GSK3B: variants seen among roughly 807,000 people sequenced by gnomAD.
GSK3B encodes glycogen synthase kinase 3 beta, also known as glycogen synthase kinase-3 beta.
GSK3B carries 15 observed loss-of-function variants against 56.4 expected under a neutral mutation model. The ratio of observed to expected loss-of-function variants is 0.27; its 90% CI spans 0.18 to 0.41. The LOEUF (loss-of-function observed/expected upper bound fraction) is 0.41, where lower values mean the gene tolerates loss of function less well. Ranked by LOEUF, GSK3B falls within the 10% of genes least tolerant of loss-of-function variation. The pLI is 1.00. For synonymous variants in GSK3B, 181 were observed against 188.9 expected, an observed-to-expected ratio of 0.96 and a Z score of 0.34; for missense variants, 300 against 513.4, an observed-to-expected ratio of 0.58 and a Z score of 4.02.
At chr3:119,928,373 A>T (rs2056908124) in intron 3 of GSK3B, among the ~76,000 whole-genome samples, 1 of 152,118 alleles carries the variant, frequency 6.6e-6, no homozygotes, top group African/African-American at 2.4e-5. Context: ...TGGGAGGCAG[A>T]GGCGGGCGGA....
chr3:120,028,275 A>C (rs934243681), intron 1 of GSK3B, among the ~76,000 whole-genome samples: 1 of 152,226 alleles, frequency 6.6e-6, no homozygotes, highest in African/African-American at 2.4e-5. Context: ...ATGAGGTATT[A>C]TTACTACTTA....
intron 2 of GSK3B, among the ~76,000 whole-genome samples, chr3:119,984,777 C>T (rs1361529173): frequency 1.3e-5 from 2 of 151,878 alleles, no homozygotes; most frequent in African/African-American, 2.4e-5. Context: ...GGAGCTGGCA[C>T]CATTCCTTCT....
chr3:119,917,828 T>A (rs963144117), intron 4 of GSK3B, among the ~76,000 whole-genome samples: 1 of 152,120 alleles, frequency 6.6e-6, no homozygotes, highest in African/African-American at 2.4e-5. Context: ...ATATATTTGT[T>A]GTTATTTCAC....
chr3:119,866,599 T>A, intron 8 of GSK3B: 1 of 1,603,622 alleles, frequency 6.2e-7, no homozygotes, highest in Admixed American at 1.7e-5. Flanking sequence ...CCCGCACTCC[T>A]GAGGTGAAAT....
At chr3:119,831,652 G>A (rs575912553) in intron 10 of GSK3B, among the ~76,000 whole-genome samples, 34 of 144,702 alleles carry the variant, frequency 2.3e-4, no homozygotes, top group East Asian at 5.9e-4. Flanking sequence ...GCGAGACTCC[G>A]TCTCAAAAAA....
chr3:119,930,391 A>T (rs899594567), intron 3 of GSK3B, among the ~76,000 whole-genome samples: 2 of 152,120 alleles, frequency 1.3e-5, no homozygotes, highest in Non-Finnish European at 2.9e-5. Context: ...AACTTAACTA[A>T]CTACAAGCAT....
intron 1 of GSK3B, among the ~76,000 whole-genome samples, chr3:120,019,532 T>G (rs2057855327): frequency 2.0e-5 from 3 of 152,262 alleles, no homozygotes; most frequent in Admixed American, 2.0e-4. Flanking sequence ...TAGGTTACTC[T>G]GTCTTCCATT....
At chr3:120,021,969 G>C (rs962265343) in intron 1 of GSK3B, among the ~76,000 whole-genome samples, 2 of 152,212 alleles carry the variant, frequency 1.3e-5, no homozygotes, top group Non-Finnish European at 2.9e-5. Flanking sequence ...GCAGAAGTAA[G>C]ATGATCACTT....
intron 9 of GSK3B, among the ~76,000 whole-genome samples, chr3:119,852,371 C>CA (rs1264015225): frequency 6.7e-6 from 1 of 149,402 alleles, no homozygotes; most frequent in Non-Finnish European, 1.5e-5. Flanking sequence ...TTTTTAAAGA[C>CA]AGAGTCTCGC....
chr3:120,012,392 A>C (rs2057786049), intron 1 of GSK3B, among the ~76,000 whole-genome samples: 1 of 152,222 alleles, frequency 6.6e-6, no homozygotes. Flanking sequence ...TTCCAAACTA[A>C]TTATATGGCA....
chr3:119,884,179 T>TG (rs951446678), intron 7 of GSK3B, among the ~76,000 whole-genome samples: 158 of 152,130 alleles, frequency 1.0e-3, no homozygotes, highest in Non-Finnish European at 1.9e-3. Context: ...AGTGACACCA[T>TG]GGGGGCAAAG....
chr3:119,936,120 T>C (rs974750022), intron 3 of GSK3B, among the ~76,000 whole-genome samples: 2 of 151,782 alleles, frequency 1.3e-5, no homozygotes, highest in Admixed American at 1.3e-4. Context: ...AAGACTAACA[T>C]CACACTTGAA....
chr3:120,079,375 C>T (rs1019642140), intron 1 of GSK3B, among the ~76,000 whole-genome samples: 2 of 150,612 alleles, frequency 1.3e-5, no homozygotes, highest in Admixed American at 6.6e-5. Context: ...AAGTAGACTA[C>T]TGCCACAAGT....
intron 6 of GSK3B, among the ~76,000 whole-genome samples, chr3:119,906,247 G>A (rs1175189559): frequency 6.6e-6 from 1 of 152,032 alleles, no homozygotes; most frequent in Non-Finnish European, 1.5e-5. Flanking sequence ...AGCAAGGAAA[G>A]GTTCAATCTC....
intron 1 of GSK3B, among the ~76,000 whole-genome samples, chr3:120,032,919 A>AT (rs775641925): frequency 2.6e-5 from 4 of 152,320 alleles, no homozygotes; most frequent in South Asian, 2.1e-4. Flanking sequence ...ACATTGAACG[A>AT]TTTTTAGTAC....
chr3:119,967,356 G>A (rs759503323), intron 2 of GSK3B, among the ~76,000 whole-genome samples: 8 of 152,106 alleles, frequency 5.3e-5, no homozygotes, highest in African/African-American at 1.7e-4. Context: ...GATTACCGGC[G>A]TGAGCCACTG....
intron 2 of GSK3B, among the ~76,000 whole-genome samples, chr3:119,959,292 C>T (rs1159429221): frequency 6.6e-6 from 1 of 152,112 alleles, no homozygotes; most frequent in Non-Finnish European, 1.5e-5. Context: ...CTAGACCAGA[C>T]CACCCCTGTG....
intron 3 of GSK3B, 29 bp from the exon 4 acceptor site, chr3:119,923,512 A>G (rs1434850768): frequency 1.8e-6 from 2 of 1,089,844 alleles, no homozygotes; most frequent in Non-Finnish European, 2.7e-6. Flanking sequence ...AAAAACAAAA[A>G]ACAAAACAGA....
chr3:119,951,772 T>C (rs760094953), intron 2 of GSK3B, among the ~76,000 whole-genome samples: 1 of 152,038 alleles, frequency 6.6e-6, no homozygotes, highest in Non-Finnish European at 1.5e-5. Flanking sequence ...TAATTTATAA[T>C]TAAGTTCAAA....
Sources: gnomAD v4.1 joint callset for allele counts (sites outside exome capture counted in the v4.1 genomes callset) on GRCh38, gnomAD v4.1.1 for gene constraint, MANE v1.5 for transcripts, NCBI Gene and HGNC (gene_info 2026-07-23, HGNC 2026-07-21) for gene names.